OLFML2A: variants seen among roughly 807,000 people sequenced by gnomAD.
OLFML2A encodes the protein olfactomedin-like protein 2A.
OLFML2A carries 47 observed loss-of-function variants against 60.9 expected under a neutral mutation model. The ratio of observed to expected loss-of-function variants is 0.77; its 90% CI spans 0.61 to 0.98. The LOEUF (loss-of-function observed/expected upper bound fraction) is 0.98, where lower values mean the gene tolerates loss of function less well. OLFML2A is among the 50% of genes least tolerant of loss of function. The pLI is 0.00. For synonymous variants in OLFML2A, 372 were observed against 375.0 expected, an observed-to-expected ratio of 0.99 and a Z score of 0.09; for missense variants, 922 against 879.8, an observed-to-expected ratio of 1.05 and a Z score of -0.61.
At chr9:124,791,339 G>A (rs370881590) in intron 2 of OLFML2A, among the ~76,000 whole-genome samples, 2 of 152,200 alleles carry the variant, frequency 1.3e-5, no homozygotes, top group African/African-American at 4.8e-5. Flanking sequence ...CTAGCACAGC[G>A]CTTCTCAAGC....
At chr9:124,799,250 C>G in intron 3 of OLFML2A, 35 bp from the exon 4 acceptor site, 1 of 1,462,180 alleles carries the variant, frequency 6.8e-7, no homozygotes. Context: ...AGGAAGCTGG[C>G]CCAGGAAAGA....
At chr9:124,786,910 C>T in intron 1 of OLFML2A, 65 bp from the exon 2 acceptor site, 2 of 1,537,562 alleles carry the variant, frequency 1.3e-6, no homozygotes, top group Non-Finnish European at 1.8e-6. Flanking sequence ...CCATCTCTCC[C>T]TTCCTCCCTG....
chr9:124,789,169 A>G (rs1841531691), intron 2 of OLFML2A, among the ~76,000 whole-genome samples: 1 of 152,184 alleles, frequency 6.6e-6, no homozygotes, highest in Admixed American at 6.5e-5. Context: ...GGCTCAGACA[A>G]TCCTCTCACC....
Position 124,777,416 on chromosome 9 carries a change from G to A in OLFML2A, c.90+56G>A. 8.2e-7 allele frequency: 1 copy of A among 1,222,182 alleles called. No individual in the cohort carries two copies. Among genetic ancestry groups the A allele is most frequent in the South Asian group, 3.8e-5 (1 of 26,396 alleles). 75.7% of individuals were successfully genotyped at this position (1,222,182 alleles called of 1,614,324 possible). A position where few individuals can be genotyped will look rare whatever the true frequency, so the allele number is the denominator to read the frequency against. The stretch of plus-strand genomic sequence containing the variant: ...GGCGGGTAGCGGGGCGCGAGGGGGC[G>A]CTGTGGCTGGGGTGCGGCCCGGGAG... On this transcript the variant is annotated intron_variant, in intron 1 of 7. Transcript: ENST00000373580. The surrounding 1 kb of genome is among the most constrained non-coding windows in gnomAD (Gnocchi z 6.2).
At position 124,807,919 on chromosome 9, in the gene OLFML2A, A is replaced by G; in HGVS notation, c.1307A>G (p.Tyr436Cys). 6.8e-6 allele frequency: 11 copies of G among 1,614,098 alleles called. No homozygotes were observed. Among genetic ancestry groups the G allele is most frequent in the Admixed American group, 1.7e-5 (1 of 60,024 alleles). ...DDRIYVTNYY[Y>C]GNSLVEFRNL... Reference sequence around the variant, plus strand: ...AGGATCTATGTCACCAACTACTACTATGGAAACAGCCTGGTGGAGTTCCGC... The same window carrying G: ...AGGATCTATGTCACCAACTACTACTGTGGAAACAGCCTGGTGGAGTTCCGC... Residue 436 changes from tyrosine (Y) to cysteine (C), a missense_variant, in exon 7 of 8, where the codon TAT (tyrosine) becomes TGT (cysteine). Tyr to Cys is a radical substitution (Grantham distance 194). Coordinates refer to ENST00000373580, the MANE Select transcript of OLFML2A (RefSeq NM_182487.4).
chr9:124,799,228 C>A, intron 3 of OLFML2A, 57 bp from the exon 4 acceptor site: 2 of 1,276,248 alleles, frequency 1.6e-6, no homozygotes, highest in Non-Finnish European at 2.3e-6. Context: ...TCCCTCCAGG[C>A]TAGGGGTTCA....
intron 2 of OLFML2A, among the ~76,000 whole-genome samples, chr9:124,794,140 A>G (rs777927093): frequency 6.6e-6 from 1 of 152,216 alleles, no homozygotes; most frequent in Non-Finnish European, 1.5e-5. Flanking sequence ...GTCTTGGGAA[A>G]AGTGCCAGCC....
At position 124,810,178 on chromosome 9, in the gene OLFML2A, C is replaced by A. The variant is rs781655307; in HGVS notation, c.1725C>A (p.Tyr575Ter). 1 of 1,613,924 alleles carries A rather than the reference C, an allele frequency of 6.2e-7. No individual in the cohort carries two copies. The highest frequency in any genetic ancestry group is 2.2e-5 in the East Asian group (1 of 44,876). The change falls in exon 8 of 8, where the codon TAC becomes TAA. Residue 575 changes from tyrosine (Y) to a stop codon, truncating the protein, a stop_gained. Coordinates refer to ENST00000373580, the MANE Select transcript of OLFML2A (RefSeq NM_182487.4). LOFTEE classifies it high-confidence loss of function. ...AGACACGGCTGCGGCGGAACTCCTA[C>A]GGGAACTGCTTCCTGGTGTGCGGCA... Reference protein sequence around the residue: ...TWKTRLRRNSYGNCFLVCGIL... With the variant: ...TWKTRLRRNS
At chr9:124,806,761 C>G (rs947976028) in intron 6 of OLFML2A, among the ~76,000 whole-genome samples, 1 of 152,018 alleles carries the variant, frequency 6.6e-6, no homozygotes, top group Non-Finnish European at 1.5e-5. Context: ...AGGCACCCAC[C>G]ACCGCACCCA....
At position 124,777,436 on chromosome 9, in the gene OLFML2A, C is replaced by G; in HGVS notation, c.90+76C>G. 1 of 1,206,848 alleles carries G rather than the reference C, an allele frequency of 8.3e-7. No individual in the cohort carries two copies. Among genetic ancestry groups the G allele is most frequent in the Non-Finnish European group, 1.0e-6 (1 of 968,914 alleles). 74.8% of individuals were successfully genotyped at this position (1,206,848 alleles called of 1,614,324 possible). On this transcript the variant is annotated intron_variant, in intron 1 of 7. Coordinates refer to ENST00000373580, the MANE Select transcript of OLFML2A (RefSeq NM_182487.4). The surrounding 1 kb of genome is among the most constrained non-coding windows in gnomAD (Gnocchi z 6.2). Reference sequence around the variant, plus strand: ...GGGGCGCTGTGGCTGGGGTGCGGCCCGGGAGGGAGCCCGGGGCCAGGGCGG... The same window carrying G: ...GGGGCGCTGTGGCTGGGGTGCGGCCGGGGAGGGAGCCCGGGGCCAGGGCGG...
chr9:124,808,363 TTA>T (rs1245753740), intron 7 of OLFML2A, among the ~76,000 whole-genome samples: 2 of 152,120 alleles, frequency 1.3e-5, no homozygotes, highest in African/African-American at 4.8e-5. Flanking sequence ...ATCACCTGTT[TTA>T]TAGGTGCGCA....
rs1284104896 is a variant in OLFML2A, at chr9:124,794,276, GACGTATACTCCCTGGC to G, written c.355-745_355-730del. ...CATTGCCTCAAGGCAGCTGCAAGAGGACGTATACTCCCTGGCACTTTGGGGGCGAAGCAACTCTAAA... is the reference window on the plus strand; with the variant it reads ...CATTGCCTCAAGGCAGCTGCAAGAGGACTTTGGGGGCGAAGCAACTCTAAA... On this transcript the variant is annotated intron_variant, in intron 2 of 7. Transcript: ENST00000373580. Among the ~76,000 whole-genome samples, 3 of 152,314 alleles carry G rather than the reference GACGTATACTCCCTGGC, an allele frequency of 2.0e-5. No individual in the cohort carries two copies. The East Asian group carries it at 5.8e-4, about 29-fold the overall frequency.
intron 2 of OLFML2A, among the ~76,000 whole-genome samples, chr9:124,793,068 C>T (rs1020893444): frequency 1.3e-5 from 2 of 152,188 alleles, no homozygotes; most frequent in African/African-American, 4.8e-5. Context: ...AGTTTGAGAC[C>T]CCCTGGGAAG....
rs906425400 is a variant in OLFML2A at position 124,784,803 on chromosome 9, G to A, written c.91-2172G>A. Among the ~76,000 whole-genome samples the A allele has an allele frequency of 2.0e-4, 30 of 152,100 alleles. 1 individual carries two copies. The highest frequency in any genetic ancestry group is 6.8e-3 in the Middle Eastern group (2 of 294). On this transcript the variant is annotated intron_variant, in intron 1 of 7. Coordinates refer to ENST00000373580, the MANE Select transcript of OLFML2A (RefSeq NM_182487.4). ...TAATCTGTTTGCTGTCTCTATGGAC[G>A]TGCCTCTCCTGGATACAGCATTTCA... is the stretch of plus-strand genomic sequence containing the variant.
intron 6 of OLFML2A, among the ~76,000 whole-genome samples, chr9:124,805,086 T>A (rs1841864326): frequency 6.6e-6 from 1 of 152,222 alleles, no homozygotes; most frequent in Non-Finnish European, 1.5e-5. Context: ...ATTTCTTTAT[T>A]TCCTGTGTCC....
chr9:124,786,348 G>C (rs1413826623), intron 1 of OLFML2A, among the ~76,000 whole-genome samples: 1 of 151,790 alleles, frequency 6.6e-6, no homozygotes, highest in African/African-American at 2.4e-5. Flanking sequence ...ACTTGAGCCT[G>C]GGAGGTCAAG....
rs1316837233 is a variant in OLFML2A, at chr9:124,812,895, T to A, written c.*2483T>A. ...ACAAACATTCACTAGGCCTCTTCTG[T>A]TTTCATACCCTTGTAAGTGGGTTAT... is the stretch of plus-strand genomic sequence containing the variant. On this transcript the variant is annotated 3_prime_UTR_variant, in exon 8 of 8. Transcript: ENST00000373580. 1.3e-5 allele frequency: 2 copies of A among 152,234 alleles called. No homozygotes were observed. The highest frequency in any genetic ancestry group is 2.4e-5 in the African/African-American group (1 of 41,444). The allele number at this position is 152,234 out of a possible 1,614,324, so 9.4% of individuals were successfully genotyped here.
chr9:124,795,730 G>A (rs762659231), intron 3 of OLFML2A, among the ~76,000 whole-genome samples: 5 of 152,174 alleles, frequency 3.3e-5, no homozygotes, highest in East Asian at 1.9e-4. Context: ...AACCGAGATC[G>A]TGCCACAGCC....
chr9:124,808,148 G>C (rs140576549), intron 7 of OLFML2A, among the ~76,000 whole-genome samples, 182 bp downstream of exon 7: 48 of 152,340 alleles, frequency 3.2e-4, no homozygotes, highest in African/African-American at 1.1e-3. Flanking sequence ...GGCCCAGACA[G>C]ACCCCATGGC....
Sources: gnomAD v4.1 joint callset for allele counts (sites outside exome capture counted in the v4.1 genomes callset) on GRCh38, gnomAD v4.1.1 for gene constraint, Gnocchi (gnomAD v3.1) non-coding constraint, MANE v1.5 for transcripts, NCBI Gene and HGNC (gene_info 2026-07-23, HGNC 2026-07-21) for gene names.